The following NOL9 variants were observed in gnomAD, a reference collection of about 807,000 sequenced individuals.
NOL9 encodes the protein nucleolar protein 9.
A neutral mutation model predicts 67.9 loss-of-function variants in NOL9; 28 were observed. The ratio of observed to expected loss-of-function variants is 0.41; its 90% CI spans 0.31 to 0.57. The LOEUF (loss-of-function observed/expected upper bound fraction) is 0.57. Among genes scored for constraint, NOL9 ranks in the 20% least tolerant of loss-of-function variants. The probability of loss-of-function intolerance (pLI) is 0.25; values close to 1 mark genes in which losing one functional copy is unlikely to be tolerated. For synonymous variants in NOL9, 356 were observed against 352.2 expected (o/e 1.01, Z -0.12); for missense variants, 777 against 897.0 (o/e 0.87, Z 1.71).
chr1:6,550,966 C>A (rs10864623), intron 1 of NOL9, among the ~76,000 whole-genome samples: 1 of 151,948 alleles, frequency 6.6e-6, no homozygotes, highest in Non-Finnish European at 1.5e-5. Flanking sequence ...TACAGGCGTG[C>A]GCCACCGCAC....
rs1332126311 is a variant in NOL9, at chr1:6,525,449, T to G, written c.*405A>C. ...TCAGGCAAGGCCCGTGGCGAGCCCT[T>G]GTATCCATTATGCTTGAGATCCTGC... On this transcript the variant is annotated 3_prime_UTR_variant, in exon 12 of 12. Transcript: ENST00000377705. 6 of 214,160 alleles carry G rather than the reference T, an allele frequency of 2.8e-5. No homozygotes were observed. The highest frequency in any genetic ancestry group is 1.2e-4 in the African/African-American group (5 of 43,110). 13.3% of individuals were successfully genotyped at this position (214,160 alleles called of 1,614,324 possible). A position where few individuals can be genotyped will look rare whatever the true frequency, so the allele number is the denominator to read the frequency against.
chr1:6,526,786 G>A lies in NOL9; in HGVS notation c.1869C>T (p.Ile623=), dbSNP rs757944902. Residue 623 remains isoleucine, a synonymous_variant, in exon 11 of 12, where the codon ATC becomes ATT. Transcript: ENST00000377705. ...GCTCTTCCGGGGGCACAGGGGTGAGGATGTGGTACAGCCGCTTCTCCATGT... is the reference window on the plus strand; with the variant it reads ...GCTCTTCCGGGGGCACAGGGGTGAGAATGTGGTACAGCCGCTTCTCCATGT... ...GIDMEKRLYH[I]LTPVPPEELR... 1.2e-5 allele frequency: 19 copies of A among 1,613,738 alleles called. No homozygotes were observed. Among genetic ancestry groups the A allele is most frequent in the Middle Eastern group, 1.7e-4 (1 of 6,056 alleles).
intron 5 of NOL9, among the ~76,000 whole-genome samples, chr1:6,543,359 C>A (rs1351931246): frequency 6.6e-6 from 1 of 152,122 alleles, no homozygotes; most frequent in Non-Finnish European, 1.5e-5. Context: ...CCACGCCCAG[C>A]TAATGTTTTG....
rs1570038184 is a variant in NOL9 at position 6,528,437 on chromosome 1, C to G, written c.1825+557G>C. 4.6e-5 allele frequency among the ~76,000 whole-genome samples: 7 copies of G among 152,274 alleles called. No homozygotes were observed. The South Asian group carries it at 1.2e-3, about 27-fold the overall frequency. ...ATTTTGAAGAGAGAAGCCACCAGAC[C>G]ATCTAATGGGCTGAAAGTACCAAAT... On this transcript the variant is annotated intron_variant, in intron 10 of 11. Coordinates refer to ENST00000377705, the MANE Select transcript of NOL9 (RefSeq NM_024654.5).
chr1:6,532,305 A>C (rs889765724), intron 8 of NOL9, 158 bp downstream of exon 8: 4 of 776,036 alleles, frequency 5.2e-6, no homozygotes, highest in Non-Finnish European at 8.2e-6. Context: ...CACTGGGAAC[A>C]TAACAGTTCA....
At chr1:6,540,182 G>A (rs1452404060) in intron 6 of NOL9, among the ~76,000 whole-genome samples, 2 of 141,898 alleles carry the variant, frequency 1.4e-5, no homozygotes, top group African/African-American at 2.6e-5. Context: ...GAGTGCAGTG[G>A]TGAGAGCTCA....
At chr1:6,545,655 A>T (rs1639404119) in intron 3 of NOL9, among the ~76,000 whole-genome samples, 1 of 152,226 alleles carries the variant, frequency 6.6e-6, no homozygotes, top group Admixed American at 6.5e-5. Flanking sequence ...TTGCTGAGGC[A>T]GGTAAGGCTC....
At chr1:6,553,527 T>G (rs1171915735) in intron 1 of NOL9, among the ~76,000 whole-genome samples, 2 of 150,122 alleles carry the variant, frequency 1.3e-5, no homozygotes, top group Admixed American at 6.6e-5. Context: ...TTGCAACCTT[T>G]TTTTTTTTTA....
chr1:6,553,573 G>A (rs1639591342), intron 1 of NOL9, among the ~76,000 whole-genome samples: 1 of 151,526 alleles, frequency 6.6e-6, no homozygotes. Context: ...CAGGTGCGGT[G>A]GTTCACACCT....
At chr1:6,527,582 G>A (rs1391754361) in intron 10 of NOL9, among the ~76,000 whole-genome samples, 1 of 151,798 alleles carries the variant, frequency 6.6e-6, no homozygotes, top group East Asian at 1.9e-4. Flanking sequence ...GGGAGGCAGA[G>A]GTTGCAGTGA....
chr1:6,529,036 T>C lies in NOL9; in HGVS notation c.1783A>G (p.Ile595Val). Reference sequence around the variant, plus strand: ...CAGATTGGAGTCTGGGCAAGCAGGATGGGCCCATTCGTGTATCCTCTGACG... The same window carrying C: ...CAGATTGGAGTCTGGGCAAGCAGGACGGGCCCATTCGTGTATCCTCTGACG... ...DDVRGYTNGP[I>V]LLAQTPICDC... Residue 595 changes from isoleucine (I) to valine (V), a missense_variant, in exon 10 of 12, where the codon ATC (isoleucine) becomes GTC (valine). Ile to Val is a conservative substitution (Grantham distance 29, BLOSUM62 3). Coordinates refer to ENST00000377705, the MANE Select transcript of NOL9 (RefSeq NM_024654.5). The C allele has an allele frequency of 1.2e-6, 2 of 1,614,100 alleles. No individual in the cohort carries two copies. Among genetic ancestry groups the C allele is most frequent in the Non-Finnish European group, 1.7e-6 (2 of 1,180,032 alleles).
chr1:6,539,060 G>A (rs551452179), intron 6 of NOL9, among the ~76,000 whole-genome samples: 1 of 152,152 alleles, frequency 6.6e-6, no homozygotes, highest in African/African-American at 2.4e-5. Flanking sequence ...TGGCCAATAA[G>A]TACATGCTCA....
intron 5 of NOL9, among the ~76,000 whole-genome samples, chr1:6,544,561 A>G (rs77573793): frequency 0.78 from 98,328 of 126,738 alleles, 35,629 homozygotes; most frequent in Admixed American, 0.84. Context: ...CCCGCCCCCC[A>G]CCCCAGAACT....
chr1:6,526,259 G>A lies in NOL9; in HGVS notation c.1960-256C>T, dbSNP rs184777023. On this transcript the variant is annotated intron_variant, in intron 11 of 11. Coordinates refer to ENST00000377705, the MANE Select transcript of NOL9 (RefSeq NM_024654.5). ...GAGGCAGAGTGGGGGTGCAGTGTGCGTCCCTTTCAAATGAGGGACACTGGA... is the reference window on the plus strand; with the variant it reads ...GAGGCAGAGTGGGGGTGCAGTGTGCATCCCTTTCAAATGAGGGACACTGGA... Among the ~76,000 whole-genome samples, 36 of 152,190 alleles carry A rather than the reference G, an allele frequency of 2.4e-4. No homozygotes were observed. The East Asian group carries it at 5.0e-3, about 21-fold the overall frequency.
chr1:6,549,463 G>A (rs753226483), intron 3 of NOL9, 108 bp downstream of exon 3: 2 of 1,230,548 alleles, frequency 1.6e-6, no homozygotes, highest in African/African-American at 1.5e-5. Context: ...AGGACTGAGA[G>A]CACTAGATAG....
At chr1:6,539,840 G>A (rs553440926) in intron 6 of NOL9, among the ~76,000 whole-genome samples, 1 of 152,182 alleles carries the variant, frequency 6.6e-6, no homozygotes, top group Non-Finnish European at 1.5e-5. Flanking sequence ...ATACTATGCT[G>A]AGTGAAATAA....
chr1:6,534,932 T>C (rs1038978998), intron 6 of NOL9, among the ~76,000 whole-genome samples: 4 of 152,152 alleles, frequency 2.6e-5, no homozygotes, highest in African/African-American at 9.7e-5. Flanking sequence ...GCCTCCCAAG[T>C]AGCTGGGATT....
At chr1:6,526,054 A>T (rs757594773) in intron 11 of NOL9, 51 bp from the exon 12 acceptor site, 2 of 1,526,234 alleles carry the variant, frequency 1.3e-6, no homozygotes, top group Admixed American at 1.7e-5. Flanking sequence ...TCCAGCCCAG[A>T]GGGGTTTACA....
chr1:6,549,571 C>T lies in NOL9; in HGVS notation c.744G>A (p.Glu248=). The change falls in exon 3 of 12, where the codon GAG becomes GAA. Residue 248 remains glutamate (E), a splice_region_variant and synonymous_variant. Coordinates refer to ENST00000377705, the MANE Select transcript of NOL9 (RefSeq NM_024654.5). ...AACTCTGAATGAAAACGGGTTCTACCTCTTGCACAAAAATGTAGGATGAAC... is the reference window on the plus strand; with the variant it reads ...AACTCTGAATGAAAACGGGTTCTACTTCTTGCACAAAAATGTAGGATGAAC... ...YPGSSYIFVQ[E]SPTPQIKPEY... 6.2e-7 allele frequency: 1 copy of T among 1,613,656 alleles called. No homozygotes were observed. The highest frequency in any genetic ancestry group is 8.5e-7 in the Non-Finnish European group (1 of 1,179,844).
Sources: gnomAD v4.1 joint callset for allele counts (sites outside exome capture counted in the v4.1 genomes callset) on GRCh38, gnomAD v4.1.1 for gene constraint, MANE v1.5 for transcripts, NCBI Gene and HGNC (gene_info 2026-07-23, HGNC 2026-07-21) for gene names.